The following MTCL1 variants were observed in gnomAD, a reference collection of about 807,000 sequenced individuals.
The protein encoded by MTCL1 is microtubule crosslinking factor 1, also known as microtubule cross-linking factor 1.
Under a neutral mutation model 141.4 loss-of-function variants are expected in MTCL1, and 79 were observed. The observed-to-expected ratio is 0.56, with a 90% CI of 0.47 to 0.67. The LOEUF is 0.67. MTCL1 is among the 30% of genes least tolerant of loss of function. The probability of loss-of-function intolerance (pLI) is 0.00; values close to 1 mark genes in which losing one functional copy is unlikely to be tolerated. For missense variants in MTCL1, 2,177 were observed against 2,113.9 expected (o/e 1.03, Z -0.59); for synonymous variants, 914 against 875.8 (o/e 1.04, Z -0.77).
intron 4 of MTCL1, among the ~76,000 whole-genome samples, chr18:8,763,526 A>T (rs762927062): frequency 2.0e-5 from 3 of 152,228 alleles, no homozygotes; most frequent in Admixed American, 6.5e-5. Flanking sequence ...CAGCGTCTCA[A>T]TTTCCATCTA....
At position 8,804,940 on chromosome 18, in the gene MTCL1, G is replaced by A. The variant is rs563895078; in HGVS notation, c.2437-1953G>A. The stretch of plus-strand genomic sequence containing the variant: ...CAGGAGGTTGAGGCTGCAGTGAGCC[G>A]TGATCCACTGCATTCTAGCCTGGGT... On this transcript the variant is annotated intron_variant, in intron 10 of 16. Coordinates refer to ENST00000359865, the Ensembl canonical transcript of MTCL1. Among the ~76,000 whole-genome samples, 5 of 149,150 alleles carry A rather than the reference G, an allele frequency of 3.4e-5. No individual in the cohort carries two copies. The East Asian group carries it at 7.9e-4, about 24-fold the overall frequency.
intron 4 of MTCL1, among the ~76,000 whole-genome samples, chr18:8,745,643 A>C (rs938237505): frequency 1.3e-5 from 2 of 152,188 alleles, no homozygotes; most frequent in African/African-American, 4.8e-5. Flanking sequence ...ACGTGCAGCA[A>C]GTTCTCTAAC....
intron 4 of MTCL1, among the ~76,000 whole-genome samples, chr18:8,760,217 TG>T (rs1171220201): frequency 6.6e-6 from 1 of 152,058 alleles, no homozygotes; most frequent in African/African-American, 2.4e-5. Context: ...CGAGATGCAG[TG>T]CCGGGCTATG....
chr18:8,759,987 G>A (rs1400955586), intron 4 of MTCL1, among the ~76,000 whole-genome samples: 1 of 150,928 alleles, frequency 6.6e-6, no homozygotes, highest in Non-Finnish European at 1.5e-5. Context: ...GGGCTATGCT[G>A]TAAAGTAGGT....
At chr18:8,788,016 G>GA (rs11461615) in intron 7 of MTCL1, among the ~76,000 whole-genome samples, 88,690 of 151,856 alleles carry the variant, frequency 0.58, 27,151 homozygotes, top group African/African-American at 0.78. Context: ...TAATTCTGGG[G>GA]GCAGAACTCT....
intron 4 of MTCL1, among the ~76,000 whole-genome samples, chr18:8,742,805 C>T: frequency 6.6e-6 from 1 of 152,322 alleles, no homozygotes; most frequent in East Asian, 1.9e-4. Flanking sequence ...CAAATGGAAG[C>T]AGTCCATGGT....
intron 7 of MTCL1, chr18:8,789,280 G>A (rs749642170): frequency 3.2e-5 from 10 of 310,554 alleles, no homozygotes; most frequent in Non-Finnish European, 4.7e-5. Flanking sequence ...TCATGTGTTG[G>A]CCTCATGTAC....
At chr18:8,811,580 A>T (rs1386010061) in intron 11 of MTCL1, among the ~76,000 whole-genome samples, 2 of 152,220 alleles carry the variant, frequency 1.3e-5, no homozygotes, top group African/African-American at 4.8e-5. Flanking sequence ...CTTTTCAGAC[A>T]TGGATAATCA....
chr18:8,725,943 C>A (rs946403164), intron 4 of MTCL1, among the ~76,000 whole-genome samples: 10 of 151,840 alleles, frequency 6.6e-5, no homozygotes, highest in African/African-American at 2.2e-4. Flanking sequence ...GCACCCGCCA[C>A]CACGCCCGGC....
chr18:8,743,118 G>A (rs924719836), intron 4 of MTCL1, among the ~76,000 whole-genome samples: 19 of 152,202 alleles, frequency 1.2e-4, no homozygotes, highest in Non-Finnish European at 2.2e-4. Context: ...GAGAAGTCCC[G>A]TGTGGAGGAG....
At chr18:8,722,042 A>G (rs1465865749) in intron 4 of MTCL1, among the ~76,000 whole-genome samples, 1 of 151,952 alleles carries the variant, frequency 6.6e-6, no homozygotes, top group Non-Finnish European at 1.5e-5. Context: ...CTTAACTTAG[A>G]CTTGTGTCTG....
rs890605036 is a variant in MTCL1, at chr18:8,818,899, G to T, written c.2860-64G>T. On this transcript the variant is annotated intron_variant, in intron 12 of 16. Coordinates refer to ENST00000359865, the Ensembl canonical transcript of MTCL1. ...TAATTGCAAATTGTGGAGAAACGAT[G>T]TTCTTAGGGAGACCATCAGACAGAA... The T allele has an allele frequency of 3.3e-6, 5 of 1,496,776 alleles. No homozygotes were observed. The African/African-American group carries it at 7.0e-5, about 21-fold the overall frequency. The allele number at this position is 1,496,776 out of a possible 1,614,324, so 92.7% of individuals were successfully genotyped here.
At chr18:8,734,080 A>G (rs1044647926) in intron 4 of MTCL1, among the ~76,000 whole-genome samples, 2 of 152,022 alleles carry the variant, frequency 1.3e-5, no homozygotes, top group South Asian at 4.1e-4. Flanking sequence ...CACTTGAGTA[A>G]TCTGCTTGGA....
chr18:8,717,742 G>T (rs918474914), intron 1 of MTCL1: 19 of 244,562 alleles, frequency 7.8e-5, no homozygotes, highest in Non-Finnish European at 1.2e-4. Context: ...TGGGAGGGGA[G>T]GGGGAGCCAG....
At chr18:8,826,034 G>C in exon 15 of MTCL1, 1 of 1,611,602 alleles carries the variant, frequency 6.2e-7, no homozygotes, top group Non-Finnish European at 8.5e-7. Context: ...GGGAGGAAGG[G>C]GGAGAGGGCA....
At chr18:8,793,005 G>GCCC in exon 8 of MTCL1, 1 of 1,613,552 alleles carries the variant, frequency 6.2e-7, no homozygotes, top group Non-Finnish European at 8.5e-7. Flanking sequence ...CAGCTCAGGG[G>GCCC]CCCCCCCGTT....
chr18:8,798,081 CTCCTGCCTGT>C lies in MTCL1; in HGVS notation c.2242-14_2242-5del. ...ATTTGGCTGAAGCTGTGATCGTCAC[CTCCTGCCTGT>C]TTCAGGGTGAACATCCAGAGACCCT... is the stretch of plus-strand genomic sequence containing the variant. On this transcript the variant is annotated splice_polypyrimidine_tract_variant and splice_region_variant and intron_variant, in intron 9 of 16. Coordinates refer to ENST00000359865, the Ensembl canonical transcript of MTCL1. The C allele has an allele frequency of 6.4e-7, 1 of 1,567,210 alleles. No individual in the cohort carries two copies.
upstream of MTCL1, among the ~76,000 whole-genome samples, chr18:8,713,937 T>C (rs1293201748): frequency 6.6e-6 from 1 of 152,170 alleles, no homozygotes; most frequent in Non-Finnish European, 1.5e-5. Flanking sequence ...AGTGAGACTC[T>C]GTCTCTTTAA....
intron 15 of MTCL1, among the ~76,000 whole-genome samples, chr18:8,827,318 A>G (rs761595141): frequency 1.1e-4 from 16 of 152,370 alleles, no homozygotes; most frequent in Non-Finnish European, 1.6e-4. Flanking sequence ...AAGAGGGTAA[A>G]TGATGGCTGT....
Sources: allele counts gnomAD v4.1 joint callset (sites outside exome capture counted in the v4.1 genomes callset), GRCh38; gene constraint gnomAD v4.1.1; transcripts MANE v1.5; gene names NCBI Gene and HGNC (gene_info 2026-07-23, HGNC 2026-07-21).